PCDHGB2: variants seen among roughly 807,000 people sequenced by gnomAD.
The protein encoded by PCDHGB2 is protocadherin gamma-B2.
PCDHGB2 carries 55 observed loss-of-function variants against 59.3 expected under a neutral mutation model. The ratio of observed to expected loss-of-function variants is 0.93; its 90% CI spans 0.75 to 1.16. The LOEUF (loss-of-function observed/expected upper bound fraction) is 1.16. Ranked by LOEUF, PCDHGB2 falls within the 50% of genes most tolerant of loss-of-function variation. PCDHGB2 has a pLI of 0.00. For missense variants in PCDHGB2, 1,228 were observed against 1,198.5 expected (o/e 1.02, Z -0.36); for synonymous variants, 516 against 512.0 (o/e 1.01, Z -0.11).
In PCDHGB2 at chr5:141,361,424, C is replaced by G; in HGVS notation, c.1289C>G (p.Pro430Arg). 6.2e-7 allele frequency: 1 copy of G among 1,614,030 alleles called. No homozygotes were observed. Among genetic ancestry groups the G allele is most frequent in the Non-Finnish European group, 8.5e-7 (1 of 1,179,896 alleles). The part of the protein sequence containing the change: ...LTITATDGGK[P>R]PLSSSIIVTL... Reference sequence around the variant, plus strand: ...ATCACAGCCACCGACGGGGGCAAGCCGCCCCTCTCCTCCAGCATAATTGTC... The same window carrying G: ...ATCACAGCCACCGACGGGGGCAAGCGGCCCCTCTCCTCCAGCATAATTGTC... Residue 430 changes from proline to arginine, a missense_variant, in exon 1 of 4, where the codon CCG (proline) becomes CGG (arginine). By Grantham distance (103) the Pro-to-Arg change is moderately radical (BLOSUM62 -2). Coordinates refer to ENST00000522605, the MANE Select transcript of PCDHGB2 (RefSeq NM_018923.3).
At chr5:141,408,879 C>A in intron 1 of PCDHGB2, 1 of 1,613,504 alleles carries the variant, frequency 6.2e-7, no homozygotes. Context: ...AGTGCCACCG[C>A]TCACATAGAA....
Position 141,393,006 on chromosome 5 carries a change from C to T in PCDHGB2, c.2421+30450C>T, listed in dbSNP as rs182052960. On this transcript the variant is annotated intron_variant, in intron 1 of 3. Coordinates refer to ENST00000522605, the MANE Select transcript of PCDHGB2 (RefSeq NM_018923.3). ...CCGGAAGCTGGCGAAGCACGGAGTC[C>T]GTATCGTCTCCAGAGGTAGGACGCA... is the stretch of plus-strand genomic sequence containing the variant. 3.5e-3 allele frequency: 5,649 copies of T among 1,613,866 alleles called. 26 individuals are homozygous for T. The highest frequency in any genetic ancestry group is 4.1e-3 in the Non-Finnish European group (4,855 of 1,179,884).
chr5:141,385,160 C>T lies in PCDHGB2; in HGVS notation c.2421+22604C>T, dbSNP rs765072883. 6.2e-6 allele frequency: 10 copies of T among 1,614,096 alleles called. No individual in the cohort carries two copies. The East Asian group carries it at 2.0e-4, about 32-fold the overall frequency. On this transcript the variant is annotated intron_variant, in intron 1 of 3. Coordinates refer to ENST00000522605, the MANE Select transcript of PCDHGB2 (RefSeq NM_018923.3). ...GTGCAGGCTTTCCTGCAGACCTATT[C>T]CCATGAGGTCTCCCTCACCGCGGAC...
At chr5:141,483,761 GA>G (rs1376816525) in intron 1 of PCDHGB2, among the ~76,000 whole-genome samples, 1 of 152,118 alleles carries the variant, frequency 6.6e-6, no homozygotes, top group African/African-American at 2.4e-5. Flanking sequence ...TCGAGGCTTG[GA>G]AAAATATTGG....
At chr5:141,420,811 CT>C (rs2096526727) in intron 1 of PCDHGB2, among the ~76,000 whole-genome samples, 1 of 152,214 alleles carries the variant, frequency 6.6e-6, no homozygotes, top group Admixed American at 6.5e-5. Flanking sequence ...TAAGCAAGCC[CT>C]TTTAATAATT....
At position 141,490,221 on chromosome 5, in the gene PCDHGB2, G is replaced by A; in HGVS notation, c.2422-4586G>A. 6.2e-7 allele frequency: 1 copy of A among 1,614,236 alleles called. No individual in the cohort carries two copies. The highest frequency in any genetic ancestry group is 1.1e-5 in the South Asian group (1 of 91,084). ...ATGCAAGAGCCCGTGACCAGGGACAGCCTGCCATGGAGGGCCACTGTGTGA... is the reference window on the plus strand; with the variant it reads ...ATGCAAGAGCCCGTGACCAGGGACAACCTGCCATGGAGGGCCACTGTGTGA... On this transcript the variant is annotated intron_variant, in intron 1 of 3. Transcript: ENST00000522605. The surrounding 1 kb of genome is among the most constrained non-coding windows in gnomAD (Gnocchi z 5.4).
At chr5:141,480,059 T>G (rs1169389701) in intron 1 of PCDHGB2, among the ~76,000 whole-genome samples, 1 of 152,096 alleles carries the variant, frequency 6.6e-6, no homozygotes, top group African/African-American at 2.4e-5. Context: ...GAATAATAAG[T>G]GTTTTATAAG....
At chr5:141,390,003 C>T in intron 1 of PCDHGB2, 1 of 1,614,056 alleles carries the variant, frequency 6.2e-7, no homozygotes, top group Non-Finnish European at 8.5e-7. Flanking sequence ...GGCCATGATT[C>T]TGGCCATTGC....
intron 1 of PCDHGB2, chr5:141,419,835 C>T: frequency 1.2e-6 from 2 of 1,614,084 alleles, no homozygotes; most frequent in African/African-American, 1.3e-5. Flanking sequence ...GCCACTGCCA[C>T]GCTGCACCTG....
chr5:141,407,143 A>G (rs2154538062), intron 1 of PCDHGB2, among the ~76,000 whole-genome samples: 1 of 152,360 alleles, frequency 6.6e-6, no homozygotes, highest in East Asian at 1.9e-4. Flanking sequence ...AAGAAAAAAA[A>G]GCTGAAGTGT....
chr5:141,490,942 C>A lies in PCDHGB2; in HGVS notation c.2422-3865C>A, dbSNP rs371286343. On this transcript the variant is annotated intron_variant, in intron 1 of 3. Coordinates refer to ENST00000522605, the MANE Select transcript of PCDHGB2 (RefSeq NM_018923.3). This position sits in a 1 kb window ranked among gnomAD's most constrained non-coding sequence, Gnocchi z 5.4. ...TAATGCCCCAGCTGTGCTGCACCCA[C>A]GGCCAGACTGGGAACACTCAGCCCC... The A allele has an allele frequency of 3.0e-5, 49 of 1,613,526 alleles. No individual in the cohort carries two copies. The highest frequency in any genetic ancestry group is 4.1e-5 in the Non-Finnish European group (48 of 1,179,768).
At chr5:141,400,999 TCCTA>T (rs1239504565) in intron 1 of PCDHGB2, among the ~76,000 whole-genome samples, 2 of 152,226 alleles carry the variant, frequency 1.3e-5, no homozygotes, top group African/African-American at 2.4e-5. Flanking sequence ...GCTTTCTTAT[TCCTA>T]CCTAATGGAT....
chr5:141,484,591 T>C (rs2099597977), intron 1 of PCDHGB2, among the ~76,000 whole-genome samples: 1 of 152,020 alleles, frequency 6.6e-6, no homozygotes, highest in African/African-American at 2.4e-5. Flanking sequence ...AAGCTACTCA[T>C]TTAGAATACT....
rs771450412 is a variant in PCDHGB2, at chr5:141,374,978, G to C, written c.2421+12422G>C. The C allele has an allele frequency of 2.2e-5, 35 of 1,613,984 alleles. No homozygotes were observed. The highest frequency in any genetic ancestry group is 2.9e-5 in the Non-Finnish European group (34 of 1,179,904). On this transcript the variant is annotated intron_variant, in intron 1 of 3. Coordinates refer to ENST00000522605, the MANE Select transcript of PCDHGB2 (RefSeq NM_018923.3). The stretch of plus-strand genomic sequence containing the variant: ...AATTTTCTGTTTGAATGTTTTGACT[G>C]GAGAAATTTCAACTTCTGCAAATCT...
rs1297266733 is a variant in PCDHGB2 at position 141,366,482 on chromosome 5, C to T, written c.2421+3926C>T. 5 of 1,614,124 alleles carry T rather than the reference C, an allele frequency of 3.1e-6. No homozygotes were observed. In the African/African-American group the frequency reaches 6.7e-5, roughly 22 times the overall value. On this transcript the variant is annotated intron_variant, in intron 1 of 3. Coordinates refer to ENST00000522605, the MANE Select transcript of PCDHGB2 (RefSeq NM_018923.3). ...CGTGCTGCTGGTGCTCAGACTGAGG[C>T]GCTGGCACAAGTCACGCCTGCTTCA...
intron 1 of PCDHGB2, chr5:141,417,540 A>G (rs1301087527): frequency 2.0e-5 from 6 of 301,520 alleles, no homozygotes; most frequent in Non-Finnish European, 3.6e-5. Context: ...TTTAAAAAAA[A>G]TTCCTTGAAA....
intron 1 of PCDHGB2, among the ~76,000 whole-genome samples, chr5:141,380,312 T>C (rs1776368746): frequency 6.6e-6 from 1 of 152,162 alleles, no homozygotes; most frequent in Middle Eastern, 3.2e-3. Context: ...TGCTTGAGAA[T>C]GAAAATCTAA....
chr5:141,441,362 G>A (rs1489202253), intron 1 of PCDHGB2: 1 of 152,484 alleles, frequency 6.6e-6, no homozygotes, highest in Non-Finnish European at 1.5e-5. Context: ...AACAAATGGG[G>A]CCGTGGACCA....
At chr5:141,416,245 C>T (rs1029299377) in intron 1 of PCDHGB2, 1 of 152,234 alleles carries the variant, frequency 6.6e-6, no homozygotes, top group Non-Finnish European at 1.5e-5. Flanking sequence ...CTATTTATAA[C>T]TGATAACACT....
Sources: allele counts gnomAD v4.1 joint callset (sites outside exome capture counted in the v4.1 genomes callset), GRCh38; gene constraint gnomAD v4.1.1; non-coding constraint Gnocchi (gnomAD v3.1); transcripts MANE v1.5; gene names NCBI Gene and HGNC (gene_info 2026-07-23, HGNC 2026-07-21).